MYO9B: variants seen among roughly 807,000 people sequenced by gnomAD.
MYO9B encodes unconventional myosin-IXb.
MYO9B carries 71 observed loss-of-function variants against 229.5 expected under a neutral mutation model. The ratio of observed to expected loss-of-function variants is 0.31; its 90% CI spans 0.26 to 0.38. MYO9B has a LOEUF of 0.38. Ranked by LOEUF, MYO9B falls within the 10% of genes least tolerant of loss-of-function variation. MYO9B has a pLI of 1.00. For synonymous variants in MYO9B, 1,185 were observed against 1,235.8 expected (o/e 0.96, Z 0.86); for missense variants, 2,255 against 2,920.5 (o/e 0.77, Z 5.25).
At chr19:17,159,030 T>C (rs11669308) in intron 7 of MYO9B, among the ~76,000 whole-genome samples, 58,096 of 151,872 alleles carry the variant, frequency 0.38, 11,624 homozygotes, top group African/African-American at 0.51. Context: ...CCCATCTCTA[T>C]TAAAAATACA....
chr19:17,130,164 T>A (rs1381281583), intron 2 of MYO9B, among the ~76,000 whole-genome samples: 1 of 152,090 alleles, frequency 6.6e-6, no homozygotes, highest in Non-Finnish European at 1.5e-5. Context: ...AGAGCCATCC[T>A]TTAGATAGAA....
chr19:17,203,072 G>A, intron 29 of MYO9B, 75 bp from the exon 30 acceptor site: 2 of 1,411,106 alleles, frequency 1.4e-6, no homozygotes, highest in Non-Finnish European at 1.9e-6. Context: ...GAGATCCCAT[G>A]GGTCGTCATC....
Position 17,172,286 on chromosome 19 carries a change from G to A in MYO9B, c.1794-50G>A, listed in dbSNP as rs776370186. Reference sequence around the variant, plus strand: ...GTCTGCAAGATAAAATACACAGCAGGTAAATCAGCCGCTGTTCATGCCTGC... The same window carrying A: ...GTCTGCAAGATAAAATACACAGCAGATAAATCAGCCGCTGTTCATGCCTGC... On this transcript the variant is annotated intron_variant, in intron 11 of 39. Coordinates refer to ENST00000682292, the MANE Select transcript of MYO9B (RefSeq NM_004145.4). The surrounding 1 kb of genome is among the most constrained non-coding windows in gnomAD (Gnocchi z 8.2). The A allele has an allele frequency of 1.2e-6, 2 of 1,608,428 alleles. No individual in the cohort carries two copies. The highest frequency in any genetic ancestry group is 1.1e-5 in the South Asian group (1 of 90,516).
At chr19:17,162,284 G>A in intron 8 of MYO9B, 66 bp from the exon 9 acceptor site, 3 of 1,346,626 alleles carry the variant, frequency 2.2e-6, no homozygotes, top group Admixed American at 4.0e-5. Context: ...CAGCCTGGAT[G>A]ACAGAGCAAG....
intron 6 of MYO9B, among the ~76,000 whole-genome samples, chr19:17,156,134 A>G (rs1306903022): frequency 6.6e-6 from 1 of 152,096 alleles, no homozygotes. Context: ...AGACAGCATT[A>G]GACGTCAGGA....
chr19:17,173,449 T>C (rs78850595), intron 13 of MYO9B, among the ~76,000 whole-genome samples: 9,537 of 151,834 alleles, frequency 0.063, 396 homozygotes, highest in Non-Finnish European at 0.094. Context: ...GGACTACAGG[T>C]TACCGCCACC....
In MYO9B at chr19:17,198,280, C is replaced by T; in HGVS notation, c.4210C>T (p.Leu1404=). ...CGCATCCTCCCTCCCAGACGCAGGG[C>T]TGTCCCCGGGCTCTCAGGTCGACTC... ...GDASSLPDAG[L]SPGSQVDSKS... Residue 1404 remains leucine (L), a synonymous_variant, in exon 24 of 40, where the codon CTG becomes TTG. Transcript: ENST00000682292. 9.9e-6 allele frequency: 16 copies of T among 1,613,942 alleles called. No individual in the cohort carries two copies. Among genetic ancestry groups the T allele is most frequent in the Non-Finnish European group, 1.3e-5 (15 of 1,179,896 alleles).
At position 17,209,667 on chromosome 19, in the gene MYO9B, G is replaced by A; in HGVS notation, c.5706G>A (p.Glu1902=). Residue 1902 remains glutamate, a synonymous_variant, in exon 36 of 40, where the codon GAG becomes GAA. Coordinates refer to ENST00000682292, the MANE Select transcript of MYO9B (RefSeq NM_004145.4). ...AGATCAGCCAACTGGAGGCTGCAGA[G>A]AGTATCGCCTTCCGCAGGCTTTCGC... ...MEEISQLEAA[E]SIAFRRLSLL... is the part of the protein sequence containing the mutation. 1 of 1,613,100 alleles carries A rather than the reference G, an allele frequency of 6.2e-7. No homozygotes were observed. The highest frequency in any genetic ancestry group is 8.5e-7 in the Non-Finnish European group (1 of 1,179,534).
chr19:17,154,187 G>A (rs2072512802), intron 5 of MYO9B, 121 bp downstream of exon 5: 3 of 1,321,204 alleles, frequency 2.3e-6, no homozygotes, highest in Admixed American at 1.8e-5. Context: ...CCAGAAGGCA[G>A]CATTAAAAGA....
intron 35 of MYO9B, among the ~76,000 whole-genome samples, chr19:17,208,910 CTGGCCACTCCGGGCTGAGTCCCTCTGGT>C (rs1287601757): frequency 1.5e-3 from 67 of 45,296 alleles, no homozygotes; most frequent in African/African-American, 6.8e-3. Context: ...CCCTCTGGTA[CTGGCCACTCCGGGCTGAGTCCCTCTGGT>C]ACTGACCACT....
chr19:17,182,161 G>A (rs1186398905), intron 15 of MYO9B, among the ~76,000 whole-genome samples: 1 of 151,748 alleles, frequency 6.6e-6, no homozygotes, highest in Non-Finnish European at 1.5e-5. Flanking sequence ...CTCACGGCAG[G>A]TTCGACCTTC....
chr19:17,109,031 AT>A (rs1491450349), intron 2 of MYO9B, among the ~76,000 whole-genome samples: 4 of 130,878 alleles, frequency 3.1e-5, no homozygotes, highest in African/African-American at 1.2e-4. Context: ...CTTTTTTTTA[AT>A]TTTATTTATT....
At chr19:17,136,209 A>G (rs997094914) in intron 2 of MYO9B, among the ~76,000 whole-genome samples, 3 of 152,120 alleles carry the variant, frequency 2.0e-5, no homozygotes, top group Admixed American at 2.0e-4. Context: ...GCTGTCAGGC[A>G]GGGAGCAAGG....
Position 17,157,014 on chromosome 19 carries a change from G to A in MYO9B, c.1305G>A (p.Leu435=), listed in dbSNP as rs745828050. ...EGLEVGPPEV[L]DTLSQLLKVK... ...TGGAGGTCGGGCCACCCGAGGTGCTGGACACCCTGTCGCAGCTTCTGAAGG... is the reference window on the plus strand; with the variant it reads ...TGGAGGTCGGGCCACCCGAGGTGCTAGACACCCTGTCGCAGCTTCTGAAGG... Residue 435 remains leucine (L), a synonymous_variant, in exon 7 of 40, where the codon CTG becomes CTA. Coordinates refer to ENST00000682292, the MANE Select transcript of MYO9B (RefSeq NM_004145.4). The A allele has an allele frequency of 4.3e-6, 7 of 1,613,536 alleles. No individual in the cohort carries two copies. Among genetic ancestry groups the A allele is most frequent in the Non-Finnish European group, 5.9e-6 (7 of 1,179,792 alleles).
intron 13 of MYO9B, among the ~76,000 whole-genome samples, chr19:17,174,552 G>A (rs533173312): frequency 2.6e-5 from 4 of 152,238 alleles, no homozygotes; most frequent in East Asian, 1.9e-4. Flanking sequence ...TAGGAGAATC[G>A]CTTGAACCCG....
chr19:17,187,191 C>T (rs938990420), intron 18 of MYO9B, among the ~76,000 whole-genome samples: 9 of 152,216 alleles, frequency 5.9e-5, no homozygotes, highest in African/African-American at 1.2e-4. Context: ...AGACCCTTGG[C>T]TTCTTCCTTC....
intron 1 of MYO9B, among the ~76,000 whole-genome samples, chr19:17,092,227 C>T (rs1415942620): frequency 6.6e-6 from 1 of 152,226 alleles, no homozygotes; most frequent in Non-Finnish European, 1.5e-5. Flanking sequence ...AGTTTTGCGT[C>T]GCCTACATCC....
Position 17,212,195 on chromosome 19 carries a change from T to C in MYO9B, c.6359T>C (p.Val2120Ala), listed in dbSNP as rs2073239175. ...VYITPGADLP[V>A]QGALEPLEED... ...ATCACGCCCGGGGCAGACCTGCCAGTGCAGGGCGCCCTGGAGCCCCTAGAA... is the reference window on the plus strand; with the variant it reads ...ATCACGCCCGGGGCAGACCTGCCAGCGCAGGGCGCCCTGGAGCCCCTAGAA... The change falls in exon 40 of 40, where the codon GTG (valine) becomes GCG (alanine). Residue 2120 changes from valine (V) to alanine (A), a missense_variant. Coordinates refer to ENST00000682292, the MANE Select transcript of MYO9B (RefSeq NM_004145.4). The surrounding 1 kb of genome is among the most constrained non-coding windows in gnomAD (Gnocchi z 5.4). The C allele has an allele frequency of 1.9e-6, 3 of 1,582,124 alleles. No homozygotes were observed. The highest frequency in any genetic ancestry group is 2.6e-6 in the Non-Finnish European group (3 of 1,165,442).
chr19:17,173,036 TGA>T, intron 13 of MYO9B, 73 bp downstream of exon 13: 1 of 1,521,812 alleles, frequency 6.6e-7, no homozygotes, highest in African/African-American at 1.4e-5. Context: ...CATCTTAAAG[TGA>T]ACACTTCAGT....
Sources: gnomAD v4.1 joint callset for allele counts (sites outside exome capture counted in the v4.1 genomes callset) on GRCh38, gnomAD v4.1.1 for gene constraint, Gnocchi (gnomAD v3.1) non-coding constraint, MANE v1.5 for transcripts, NCBI Gene and HGNC (gene_info 2026-07-23, HGNC 2026-07-21) for gene names.